Variants in GOLGA8A observed in about 807,000 individuals in gnomAD.
The protein encoded by GOLGA8A is golgin subfamily A member 8A.
In GOLGA8A, 3 loss-of-function variants were observed where a neutral mutation model predicts 22.1. The observed-to-expected ratio is 0.14, with a 90% CI of 0.06 to 0.35. The LOEUF (loss-of-function observed/expected upper bound fraction) is 0.35. Among genes scored for constraint, GOLGA8A ranks in the 10% least tolerant of loss-of-function variants. GOLGA8A has a pLI of 1.00. For synonymous variants in GOLGA8A, 7 were observed against 91.7 expected (o/e 0.08, Z 5.28); for missense variants, 16 against 233.2 (o/e 0.07, Z 6.07).
At chr15:34,421,494 T>G (rs1892795994) in intron 2 of GOLGA8A, among the ~76,000 whole-genome samples, 2 of 139,948 alleles carry the variant, frequency 1.4e-5, no homozygotes, top group African/African-American at 5.4e-5. Context: ...GGGCTGATAT[T>G]AAACCCACCC....
chr15:34,422,775 C>T, intron 2 of GOLGA8A, among the ~76,000 whole-genome samples: 1 of 108,970 alleles, frequency 9.2e-6, no homozygotes, highest in African/African-American at 2.6e-5. Context: ...TTCTACAGGC[C>T]TCCCATGTCC....
intron 2 of GOLGA8A, among the ~76,000 whole-genome samples, chr15:34,431,341 A>C (rs1251590307): frequency 0.063 from 6,495 of 102,574 alleles, 874 homozygotes; most frequent in African/African-American, 0.22. Flanking sequence ...ATATATATAT[A>C]TATATCTCAC....
intron 2 of GOLGA8A, among the ~76,000 whole-genome samples, chr15:34,425,840 T>C (rs1472677844): frequency 6.9e-6 from 1 of 145,616 alleles, no homozygotes; most frequent in African/African-American, 2.5e-5. Context: ...CAGCTTCTTA[T>C]AATTCACAAT....
chr15:34,406,911 AT>A (rs1330366180), intron 3 of GOLGA8A, 41 bp from the exon 4 acceptor site: 10 of 57,436 alleles, frequency 1.7e-4, no homozygotes, highest in African/African-American at 5.0e-4. Flanking sequence ...TCATTTATAT[AT>A]TTTTTTGATA....
chr15:34,424,442 G>T (rs1469018855), intron 2 of GOLGA8A, among the ~76,000 whole-genome samples: 1 of 143,550 alleles, frequency 7.0e-6, no homozygotes, highest in Non-Finnish European at 1.5e-5. Flanking sequence ...AAAAATACGA[G>T]AGGAAGAATG....
chr15:34,421,128 C>T (rs1368595020), intron 2 of GOLGA8A, among the ~76,000 whole-genome samples: 1 of 141,856 alleles, frequency 7.0e-6, no homozygotes, highest in African/African-American at 2.6e-5. Flanking sequence ...CACACTGGGG[C>T]GCCCCCTTTG....
chr15:34,436,193 C>T (rs1201739280), intron 1 of GOLGA8A, among the ~76,000 whole-genome samples: 2 of 149,546 alleles, frequency 1.3e-5, no homozygotes, highest in East Asian at 2.0e-4. Context: ...GCTCCTGGCA[C>T]CTGCCAACCT....
chr15:34,380,775 G>A lies in GOLGA8A; in HGVS notation c.*636C>T, dbSNP rs1595632603. The A allele has an allele frequency of 5.5e-6, 1 of 182,338 alleles. No individual in the cohort carries two copies. The highest frequency in any genetic ancestry group is 1.5e-4 in the East Asian group (1 of 6,452). The allele number at this position is 182,338 out of a possible 1,614,324, so 11.3% of individuals were successfully genotyped here. On this transcript the variant is annotated 3_prime_UTR_variant, in exon 25 of 25. Coordinates refer to ENST00000359187, the MANE Select transcript of GOLGA8A (RefSeq NM_181077.5). The stretch of plus-strand genomic sequence containing the variant: ...CCAGAGCAGGCCACTTTCCTCTTCT[G>A]TGAGATTTAGAAAGCTCCCCCAAAA...
chr15:34,427,047 G>A (rs2140281446), intron 2 of GOLGA8A, among the ~76,000 whole-genome samples: 1 of 147,806 alleles, frequency 6.8e-6, no homozygotes, highest in Non-Finnish European at 1.5e-5. Context: ...TTCACCAGAA[G>A]TTAGGCCGGG....
In GOLGA8A at chr15:34,380,437, G is replaced by A. The variant is rs1221434446; in HGVS notation, c.*974C>T. ...TACATTAAGAAGAATGCCAACCAGC[G>A]CCCTTTCGTGTACTGGGACAGGTAG... On this transcript the variant is annotated 3_prime_UTR_variant, in exon 25 of 25. Coordinates refer to ENST00000359187, the MANE Select transcript of GOLGA8A (RefSeq NM_181077.5). 1 of 152,152 alleles carries A rather than the reference G, an allele frequency of 6.6e-6. No individual in the cohort carries two copies. The highest frequency in any genetic ancestry group is 2.4e-5 in the African/African-American group (1 of 41,434). The allele number at this position is 152,152 out of a possible 1,614,324, so 9.4% of individuals were successfully genotyped here.
chr15:34,386,166 C>T (rs1367519319), intron 12 of GOLGA8A, among the ~76,000 whole-genome samples: 3 of 147,758 alleles, frequency 2.0e-5, no homozygotes, highest in Non-Finnish European at 4.4e-5. Flanking sequence ...CAGACAAGAG[C>T]CCTTGGCCCT....
At chr15:34,432,810 G>A (rs1893316529) in intron 2 of GOLGA8A, among the ~76,000 whole-genome samples, 2 of 148,920 alleles carry the variant, frequency 1.3e-5, no homozygotes, top group South Asian at 4.3e-4. Context: ...TAGAGTTTAT[G>A]ACAGGCCGCC....
chr15:34,437,053 G>A (rs1011662866), intron 1 of GOLGA8A, among the ~76,000 whole-genome samples: 1 of 148,698 alleles, frequency 6.7e-6, no homozygotes, highest in Non-Finnish European at 1.5e-5. Context: ...CGAGACGCGA[G>A]CGGGCGGCCC....
chr15:34,420,963 C>G (rs1405560776), intron 2 of GOLGA8A, among the ~76,000 whole-genome samples: 1 of 132,942 alleles, frequency 7.5e-6, no homozygotes, highest in African/African-American at 2.8e-5. Flanking sequence ...CAATGACCAT[C>G]CCGCCGGGGG....
chr15:34,421,922 G>C (rs574518078), intron 2 of GOLGA8A, among the ~76,000 whole-genome samples: 4 of 137,626 alleles, frequency 2.9e-5, no homozygotes, highest in African/African-American at 1.1e-4. Context: ...ACAGAGACAG[G>C]AGGCAAGGTT....
Position 34,397,473 on chromosome 15 carries a change from T to C in GOLGA8A, c.-382+1161A>G, listed in dbSNP as rs1430376822. ...TTTGAAGTCTGTATTCTGTATCTGATAATTCCAAAACCTACAGTCTTTGGG... is the reference window on the plus strand; with the variant it reads ...TTTGAAGTCTGTATTCTGTATCTGACAATTCCAAAACCTACAGTCTTTGGG... On this transcript the variant is annotated intron_variant, in intron 8 of 24. Transcript: ENST00000359187. Among the ~76,000 whole-genome samples, 34 of 148,744 alleles carry C rather than the reference T, an allele frequency of 2.3e-4. 1 individual carries two copies. The highest frequency in any genetic ancestry group is 8.0e-4 in the African/African-American group (33 of 41,280).
At chr15:34,437,077 C>T (rs1389097284) in intron 1 of GOLGA8A, among the ~76,000 whole-genome samples, 3 of 148,478 alleles carry the variant, frequency 2.0e-5, no homozygotes, top group Non-Finnish European at 4.5e-5. Context: ...CAGACAGCGC[C>T]ACTTGCCGGC....
chr15:34,427,177 A>G (rs1450765093), intron 2 of GOLGA8A, among the ~76,000 whole-genome samples: 1 of 147,192 alleles, frequency 6.8e-6, no homozygotes, highest in Non-Finnish European at 1.5e-5. Flanking sequence ...CTAAAAATAC[A>G]AAAGTTAGCC....
chr15:34,434,175 G>A (rs1439730105), intron 2 of GOLGA8A, among the ~76,000 whole-genome samples: 1 of 149,636 alleles, frequency 6.7e-6, no homozygotes, highest in African/African-American at 2.5e-5. Flanking sequence ...GGAGAGCCTG[G>A]AGGGGCCATT....
Sources: allele counts gnomAD v4.1 joint callset (sites outside exome capture counted in the v4.1 genomes callset), GRCh38; gene constraint gnomAD v4.1.1; transcripts MANE v1.5; gene names NCBI Gene and HGNC (gene_info 2026-07-23, HGNC 2026-07-21).